AREL1: variants seen among roughly 807,000 people sequenced by gnomAD.
AREL1 encodes the protein apoptosis-resistant E3 ubiquitin protein ligase 1.
In AREL1, 62 loss-of-function variants were observed where a neutral mutation model predicts 99.0. That is an observed-to-expected ratio of 0.63 (90% CI 0.51 to 0.77). AREL1 has a LOEUF of 0.77. Among genes scored for constraint, AREL1 ranks in the 30% least tolerant of loss-of-function variants. The pLI is 0.00. For synonymous variants in AREL1, 380 were observed against 376.5 expected, an observed-to-expected ratio of 1.01 and a Z score of -0.11; for missense variants, 879 against 1,027.6, an observed-to-expected ratio of 0.86 and a Z score of 1.98.
At chr14:74,677,058 C>CA (rs2089500778) in intron 5 of AREL1, among the ~76,000 whole-genome samples, 1 of 152,004 alleles carries the variant, frequency 6.6e-6, no homozygotes, top group Non-Finnish European at 1.5e-5. Flanking sequence ...CTTGGCCTCC[C>CA]AAAGTGCTGG....
chr14:74,670,082 C>CATTTTCAGGCGCAG lies in AREL1; in HGVS notation c.1639_1652dup (p.Met551IlefsTer4). The CATTTTCAGGCGCAG allele has an allele frequency of 6.2e-7, 1 of 1,613,606 alleles. No homozygotes were observed. The highest frequency in any genetic ancestry group is 8.5e-7 in the Non-Finnish European group (1 of 1,179,656). ...CCACGAGCCGTCCCGCAAACTCATACATTTTCAGGCGCAGATGAGCGGGGC... is the reference window on the plus strand; with the variant it reads ...CCACGAGCCGTCCCGCAAACTCATACATTTTCAGGCGCAGATTTTCAGGCGCAGATGAGCGGGGC... On this transcript the variant is annotated stop_gained and frameshift_variant, in exon 14 of 20. Transcript: ENST00000356357. LOFTEE classifies it high-confidence loss of function.
chr14:74,681,373 A>C (rs1331020092), intron 5 of AREL1, among the ~76,000 whole-genome samples: 1 of 152,080 alleles, frequency 6.6e-6, no homozygotes, highest in Non-Finnish European at 1.5e-5. Flanking sequence ...AGGAAAAGTC[A>C]ACCCCAACAG....
chr14:74,696,459 G>A (rs977073998), intron 1 of AREL1, among the ~76,000 whole-genome samples: 5 of 152,074 alleles, frequency 3.3e-5, no homozygotes, highest in Admixed American at 3.3e-4. Context: ...CCTAAAACTA[G>A]TATCTCGGGG....
intron 1 of AREL1, among the ~76,000 whole-genome samples, chr14:74,693,469 C>T (rs1454228908): frequency 6.6e-6 from 1 of 152,120 alleles, no homozygotes; most frequent in Non-Finnish European, 1.5e-5. Flanking sequence ...CATACACAAA[C>T]AGCCACCATA....
chr14:74,680,175 A>T (rs979236690), intron 5 of AREL1, among the ~76,000 whole-genome samples: 2 of 145,460 alleles, frequency 1.4e-5, no homozygotes, highest in African/African-American at 5.2e-5. Context: ...AAGGATGTCT[A>T]AAAAAAAAAG....
In AREL1 at chr14:74,692,054, C is replaced by T. The variant is rs2089893357; in HGVS notation, c.-59G>A. The T allele has an allele frequency of 2.5e-6, 1 of 396,746 alleles. No homozygotes were observed. The highest frequency in any genetic ancestry group is 3.9e-5 in the Admixed American group (1 of 25,528). The allele number at this position is 396,746 out of a possible 1,614,324, so 24.6% of individuals were successfully genotyped here. A position where few individuals can be genotyped will look rare whatever the true frequency, so the allele number is the denominator to read the frequency against. The stretch of plus-strand genomic sequence containing the variant: ...CTGTTACCTTACCTTTAAACGAGGG[C>T]CCATGTTCTGAGAACCAAGTAGAGC... On this transcript the variant is annotated 5_prime_UTR_variant, in exon 2 of 20. Transcript: ENST00000356357.
At chr14:74,671,540 G>A in intron 11 of AREL1, 57 bp from the exon 12 acceptor site, 1 of 1,221,838 alleles carries the variant, frequency 8.2e-7, no homozygotes, top group Non-Finnish European at 1.2e-6. Context: ...TCCTCTGGAT[G>A]TTAAAGACAA....
intron 15 of AREL1, among the ~76,000 whole-genome samples, chr14:74,669,031 G>A (rs767332286): frequency 1.3e-5 from 2 of 151,754 alleles, no homozygotes; most frequent in African/African-American, 4.8e-5. Flanking sequence ...CAGTAGCTAG[G>A]ACCACAGGCA....
At chr14:74,671,143 G>A (rs535270007) in intron 12 of AREL1, among the ~76,000 whole-genome samples, 1 of 152,056 alleles carries the variant, frequency 6.6e-6, no homozygotes, top group East Asian at 1.9e-4. Context: ...AGGTAACCAC[G>A]GTTCAAACAC....
chr14:74,710,667 G>C (rs1036096866), intron 1 of AREL1, among the ~76,000 whole-genome samples: 8 of 152,132 alleles, frequency 5.3e-5, no homozygotes, highest in African/African-American at 1.4e-4. Context: ...GAAAGATTAG[G>C]AACTTCTAGT....
intron 3 of AREL1, among the ~76,000 whole-genome samples, chr14:74,685,089 G>T (rs2089719268): frequency 6.6e-6 from 1 of 152,138 alleles, no homozygotes; most frequent in South Asian, 2.1e-4. Flanking sequence ...TGCATATAAT[G>T]TCCGCCCTGC....
intron 3 of AREL1, among the ~76,000 whole-genome samples, chr14:74,685,348 C>T (rs1302470055): frequency 6.6e-6 from 1 of 152,144 alleles, no homozygotes; most frequent in Non-Finnish European, 1.5e-5. Context: ...GTTATGAATG[C>T]CTACTCCTTG....
chr14:74,676,744 C>T lies in AREL1; in HGVS notation c.490G>A (p.Val164Ile). ...CACACAATTTTGGTCTTAGAAGGAA[C>T]CACCATTCCTGGAACAAAGACAATG... ...YYKIFQPGMVVPSKTKIVCHF... is the reference protein window; with the variant it reads ...YYKIFQPGMVIPSKTKIVCHF... The change falls in exon 6 of 20, where the codon GTT (valine) becomes ATT (isoleucine). Residue 164 changes from valine (V) to isoleucine (I), a missense_variant. Coordinates refer to ENST00000356357, the MANE Select transcript of AREL1 (RefSeq NM_001039479.2). The T allele has an allele frequency of 3.1e-6, 5 of 1,593,128 alleles. No individual in the cohort carries two copies. The highest frequency in any genetic ancestry group is 4.3e-6 in the Non-Finnish European group (5 of 1,171,164).
intron 1 of AREL1, among the ~76,000 whole-genome samples, chr14:74,697,737 A>G (rs2090003633): frequency 6.6e-6 from 1 of 152,152 alleles, no homozygotes; most frequent in African/African-American, 2.4e-5. Context: ...GGTGCCTCCA[A>G]ATGACTGCAG....
Position 74,676,181 on chromosome 14 carries a change from C to A in AREL1, c.792G>T (p.Gln264His). 19 of 1,613,968 alleles carry A rather than the reference C, an allele frequency of 1.2e-5. No homozygotes were observed. The highest frequency in any genetic ancestry group is 1.6e-5 in the Non-Finnish European group (19 of 1,180,002). The change falls in exon 7 of 20, where the codon CAG becomes CAT. Residue 264 changes from glutamine to histidine, a missense_variant. Coordinates refer to ENST00000356357, the MANE Select transcript of AREL1 (RefSeq NM_001039479.2). ...CFHACISYQN[Q>H]PINNGEFDII... is the part of the protein sequence containing the mutation. ...TGTCAAATTCACCATTATTGATTGGCTGATTTTGGTATGAAATGCAAGCAT... is the reference window on the plus strand; with the variant it reads ...TGTCAAATTCACCATTATTGATTGGATGATTTTGGTATGAAATGCAAGCAT...
intron 5 of AREL1, among the ~76,000 whole-genome samples, chr14:74,681,034 A>T (rs1352811027): frequency 6.6e-6 from 1 of 152,046 alleles, no homozygotes; most frequent in Admixed American, 6.6e-5. Context: ...AAAAATCAAA[A>T]AATTAACCGA....
At chr14:74,673,328 C>T (rs2089399860) in intron 9 of AREL1, 110 bp from the exon 10 acceptor site, 9 of 1,122,506 alleles carry the variant, frequency 8.0e-6, no homozygotes, top group Middle Eastern at 3.1e-4. Context: ...GGCTTGTTTT[C>T]TCCAAATGAG....
chr14:74,676,819 T>C (rs1042857811), intron 5 of AREL1, 67 bp from the exon 6 acceptor site: 53 of 1,270,532 alleles, frequency 4.2e-5, no homozygotes, highest in Non-Finnish European at 5.1e-5. Context: ...TTTTTTGAGA[T>C]GGAGTCTCGC....
intron 11 of AREL1, among the ~76,000 whole-genome samples, chr14:74,672,205 G>C (rs745443416): frequency 6.6e-6 from 1 of 152,142 alleles, no homozygotes; most frequent in Non-Finnish European, 1.5e-5. Context: ...GCCCTACATG[G>C]GAGTTCCAAG....
Sources: allele counts gnomAD v4.1 joint callset (sites outside exome capture counted in the v4.1 genomes callset), GRCh38; gene constraint gnomAD v4.1.1; transcripts MANE v1.5; gene names NCBI Gene and HGNC (gene_info 2026-07-23, HGNC 2026-07-21).